Variants in CARD8 observed in about 807,000 individuals in gnomAD.
The protein encoded by CARD8 is caspase recruitment domain family member 8, also known as caspase recruitment domain-containing protein 8.
CARD8 carries 38 observed loss-of-function variants against 53.2 expected under a neutral mutation model. The ratio of observed to expected loss-of-function variants is 0.71; its 90% confidence interval spans 0.55 to 0.94. The LOEUF (loss-of-function observed/expected upper bound fraction) is 0.94. Ranked by LOEUF, CARD8 falls within the 40% of genes least tolerant of loss-of-function variation. The pLI is 0.00. For synonymous variants in CARD8, 245 were observed against 244.9 expected (o/e 1.00, Z 0.00); for missense variants, 561 against 655.5 (o/e 0.86, Z 1.57).
At chr19:48,225,036 A>G (rs1409693302) in intron 10 of CARD8, among the ~76,000 whole-genome samples, 3 of 151,076 alleles carry the variant, frequency 2.0e-5, no homozygotes, top group Non-Finnish European at 3.0e-5. Flanking sequence ...TACAGGTGTG[A>G]GCCACCGCAC....
In CARD8 at chr19:48,215,352, G is replaced by T; in HGVS notation, c.1336C>A (p.Pro446Thr). ...DLQLVAASAP[P>T]PFSGAAFVKE... ...ACATTTCACTTACCTGAGAAAGGAG[G>T]AGGGGCTGATGCAGCTACAAGCTGG... is the stretch of plus-strand genomic sequence containing the variant. Residue 446 changes from proline to threonine, a missense_variant, in exon 13 of 14, where the codon CCT becomes ACT. Pro to Thr is a conservative substitution (Grantham distance 38). Transcript: ENST00000651546. 6.2e-7 allele frequency: 1 copy of T among 1,611,104 alleles called. No homozygotes were observed. The highest frequency in any genetic ancestry group is 8.5e-7 in the Non-Finnish European group (1 of 1,177,404).
At chr19:48,204,474 G>A (rs1568590786), downstream of CARD8, among the ~76,000 whole-genome samples, 1 of 152,042 alleles carries the variant, frequency 6.6e-6, no homozygotes, top group Non-Finnish European at 1.5e-5. Context: ...AGATACTTGG[G>A]ATGCTCAAGG....
chr19:48,254,290 A>G (rs1277713248), intron 1 of CARD8, among the ~76,000 whole-genome samples: 1 of 152,214 alleles, frequency 6.6e-6, no homozygotes, highest in Non-Finnish European at 1.5e-5. Flanking sequence ...AAGTTAGCTC[A>G]TATTTCAATA....
intron 3 of CARD8, among the ~76,000 whole-genome samples, chr19:48,248,546 C>T (rs1372882494): frequency 6.6e-6 from 1 of 152,204 alleles, no homozygotes; most frequent in East Asian, 1.9e-4. Context: ...AGTTATCATT[C>T]TCACCCACAA....
At position 48,230,891 on chromosome 19, in the gene CARD8, G is replaced by C; in HGVS notation, c.658C>G (p.Leu220Val). Residue 220 changes from leucine (L) to valine (V), a missense_variant, in exon 9 of 14, where the codon CTG becomes GTG. Transcript: ENST00000651546. ...AFGSWSQHLA[L>V]DLQHHEQWLV... is the part of the protein sequence containing the mutation. The stretch of plus-strand genomic sequence containing the variant: ...CACTGTTCATGGTGCTGCAGGTCCA[G>C]GGCCAGGTGCTGACTCCAGGAACCA... The C allele has an allele frequency of 6.2e-7, 1 of 1,614,208 alleles. No individual in the cohort carries two copies. Among genetic ancestry groups the C allele is most frequent in the Non-Finnish European group, 8.5e-7 (1 of 1,180,038 alleles).
intron 3 of CARD8, among the ~76,000 whole-genome samples, chr19:48,247,139 C>T (rs945890096): frequency 2.6e-5 from 4 of 152,118 alleles, no homozygotes; most frequent in African/African-American, 9.7e-5. Context: ...GCCTGGCCAA[C>T]AAGGTGAAAC....
At position 48,241,168 on chromosome 19, in the gene CARD8, T is replaced by A. The variant is rs558787947; in HGVS notation, c.-43-105A>T. Reference sequence around the variant, plus strand: ...GTTGACAAAAGCGCTTATTGCTCATTCACAAGAGATGCATCAGTGGAATTG... The same window carrying A: ...GTTGACAAAAGCGCTTATTGCTCATACACAAGAGATGCATCAGTGGAATTG... On this transcript the variant is annotated intron_variant, in intron 3 of 13. Transcript: ENST00000651546. 1.3e-4 allele frequency: 83 copies of A among 647,398 alleles called. 1 individual carries two copies. In the East Asian group the frequency reaches 2.2e-3, roughly 17 times the overall value. The allele number at this position is 647,398 out of a possible 1,614,324, so 40.1% of individuals were successfully genotyped here.
intron 6 of CARD8, chr19:48,232,781 G>A (rs374807895): frequency 1.0e-5 from 6 of 589,974 alleles, no homozygotes; most frequent in Admixed American, 2.2e-5. Context: ...TAGACTGGGC[G>A]GATCTAGACT....
intron 1 of CARD8, among the ~76,000 whole-genome samples, chr19:48,252,898 G>T (rs1415679277): frequency 3.3e-5 from 5 of 151,276 alleles, no homozygotes; most frequent in Non-Finnish European, 7.4e-5. Context: ...GCTTGTTTTT[G>T]CTTTTTTAAA....
chr19:48,216,837 T>G (rs181052954), intron 12 of CARD8, among the ~76,000 whole-genome samples: 1 of 152,184 alleles, frequency 6.6e-6, no homozygotes, highest in Non-Finnish European at 1.5e-5. Flanking sequence ...CTCAGGATGA[T>G]TCAAGTGCAA....
In CARD8 at chr19:48,209,419, A is replaced by T. The variant is rs1249029328; in HGVS notation, c.*2291T>A. On this transcript the variant is annotated 3_prime_UTR_variant, in exon 14 of 14. Coordinates refer to ENST00000651546, the MANE Select transcript of CARD8 (RefSeq NM_001184900.3). ...TTAGAACTGATACATACAGTGACCA[A>T]AATTTAAAAGGTGGTGAATGCACTC... 6.6e-6 allele frequency: 1 copy of T among 152,222 alleles called. No homozygotes were observed. The highest frequency in any genetic ancestry group is 2.4e-5 in the African/African-American group (1 of 41,462). 9.4% of individuals were successfully genotyped at this position (152,222 alleles called of 1,614,324 possible).
At chr19:48,245,561 AT>A (rs1462171400) in intron 3 of CARD8, among the ~76,000 whole-genome samples, 3 of 152,134 alleles carry the variant, frequency 2.0e-5, no homozygotes, top group Non-Finnish European at 4.4e-5. Context: ...ATAACAGACT[AT>A]CCCAATTCCA....
downstream of CARD8, among the ~76,000 whole-genome samples, chr19:48,207,615 TTC>T (rs1234710093): frequency 1.3e-5 from 2 of 152,170 alleles, no homozygotes; most frequent in African/African-American, 4.8e-5. Context: ...ACAAGGAGTT[TTC>T]TGTTTGTTTA....
intron 12 of CARD8, among the ~76,000 whole-genome samples, chr19:48,215,769 T>C (rs554819749): frequency 1.7e-4 from 26 of 152,366 alleles, no homozygotes; most frequent in Middle Eastern, 3.4e-3. Flanking sequence ...AGACTGTTGA[T>C]GGTGCAGAAA....
At chr19:48,245,063 C>A (rs960499712) in intron 3 of CARD8, among the ~76,000 whole-genome samples, 1 of 152,068 alleles carries the variant, frequency 6.6e-6, no homozygotes, top group Non-Finnish European at 1.5e-5. Flanking sequence ...AAGCTTATTC[C>A]AAAATATTGG....
chr19:48,235,538 G>A (rs997292541), intron 5 of CARD8, among the ~76,000 whole-genome samples: 7 of 152,158 alleles, frequency 4.6e-5, no homozygotes, highest in African/African-American at 1.2e-4. Flanking sequence ...GGCATAGGAC[G>A]TCTGGCAACA....
At position 48,214,766 on chromosome 19, in the gene CARD8, A is replaced by C. The variant is rs1176618570; in HGVS notation, c.1348+574T>G. ...CCTCCTTCCTTTCATTCCTGCTATA[A>C]AGCTTTTTTTTTTTTTTTTTTTTTT... On this transcript the variant is annotated intron_variant, in intron 13 of 13. Transcript: ENST00000651546. Among the ~76,000 whole-genome samples, 3 of 121,602 alleles carry C rather than the reference A, an allele frequency of 2.5e-5. No individual in the cohort carries two copies. In the South Asian group the frequency reaches 7.4e-4, roughly 30 times the overall value. The allele number at this position is 121,602 out of a possible 152,430, so 79.8% of individuals were successfully genotyped here. A position where few individuals can be genotyped will look rare whatever the true frequency, so the allele number is the denominator to read the frequency against.
chr19:48,250,294 C>G (rs1218386589), intron 1 of CARD8, among the ~76,000 whole-genome samples: 1 of 152,152 alleles, frequency 6.6e-6, no homozygotes, highest in Non-Finnish European at 1.5e-5. Context: ...TCCTTGGCCA[C>G]AGGATCAGGC....
At chr19:48,222,664 G>T (rs560571805) in intron 10 of CARD8, among the ~76,000 whole-genome samples, 12 of 151,880 alleles carry the variant, frequency 7.9e-5, no homozygotes, top group African/African-American at 2.9e-4. Context: ...ATTCCAGCCT[G>T]GGCGACAGAG....
Sources: allele counts gnomAD v4.1 joint callset (sites outside exome capture counted in the v4.1 genomes callset), GRCh38; gene constraint gnomAD v4.1.1; transcripts MANE v1.5; gene names NCBI Gene and HGNC (gene_info 2026-07-23, HGNC 2026-07-21).